Variants in RANBP17 observed in about 807,000 individuals in gnomAD.
RANBP17 encodes the protein ran-binding protein 17.
RANBP17 carries 158 observed loss-of-function variants against 141.2 expected under a neutral mutation model. That is an observed-to-expected ratio of 1.12 (90% CI 0.98 to 1.28). The LOEUF (loss-of-function observed/expected upper bound fraction) is 1.28. Among genes scored for constraint, RANBP17 ranks in the 50% most tolerant of loss-of-function variants. RANBP17 has a pLI of 0.00. For synonymous variants in RANBP17, 430 were observed against 450.0 expected (o/e 0.96, Z 0.56); for missense variants, 1,438 against 1,290.7 (o/e 1.11, Z -1.75).
chr5:171,028,901 T>C, intron 14 of RANBP17: 1 of 1,288,690 alleles, frequency 7.8e-7, no homozygotes. Flanking sequence ...GAAGGGCTTG[T>C]GGCAAACCTA....
chr5:170,997,516 C>T (rs1370379165), intron 14 of RANBP17, among the ~76,000 whole-genome samples: 1 of 152,120 alleles, frequency 6.6e-6, no homozygotes, highest in Non-Finnish European at 1.5e-5. Flanking sequence ...AAATGTACTA[C>T]CAAGGTTTGA....
At chr5:170,920,256 G>T (rs1335810389) in intron 11 of RANBP17, among the ~76,000 whole-genome samples, 1 of 152,072 alleles carries the variant, frequency 6.6e-6, no homozygotes, top group Non-Finnish European at 1.5e-5. Context: ...TTCCAAAGTG[G>T]CTGTACCATT....
At chr5:171,024,992 G>C (rs1439328792) in intron 14 of RANBP17, among the ~76,000 whole-genome samples, 1 of 152,022 alleles carries the variant, frequency 6.6e-6, no homozygotes, top group South Asian at 2.1e-4. Flanking sequence ...TGAAAAAGCT[G>C]CTTTACCTTT....
chr5:171,046,109 A>G (rs141655264), intron 14 of RANBP17, among the ~76,000 whole-genome samples: 23 of 152,144 alleles, frequency 1.5e-4, no homozygotes, highest in Non-Finnish European at 3.1e-4. Flanking sequence ...GTAAATATAA[A>G]TTATCTGCCC....
chr5:171,178,484 C>T (rs1023158627), intron 16 of RANBP17, among the ~76,000 whole-genome samples: 10 of 152,048 alleles, frequency 6.6e-5, no homozygotes, highest in East Asian at 5.8e-4. Context: ...TAAACATACG[C>T]GTGCATGTGT....
chr5:170,940,515 C>T (rs1452113811), intron 12 of RANBP17, among the ~76,000 whole-genome samples: 1 of 152,072 alleles, frequency 6.6e-6, no homozygotes, highest in East Asian at 1.9e-4. Context: ...CACTTCTGGT[C>T]CCAAGTATTT....
chr5:171,181,804 C>T (rs1760876127), intron 16 of RANBP17, among the ~76,000 whole-genome samples: 1 of 152,196 alleles, frequency 6.6e-6, no homozygotes, highest in Non-Finnish European at 1.5e-5. Flanking sequence ...TTGCAAGTTG[C>T]ACACGTTGTG....
At chr5:170,982,328 C>G (rs1329291832) in intron 14 of RANBP17, among the ~76,000 whole-genome samples, 1 of 152,152 alleles carries the variant, frequency 6.6e-6, no homozygotes, top group African/African-American at 2.4e-5. Context: ...AGCTCCTATT[C>G]TTTTTTGAGT....
At chr5:170,960,531 T>C (rs1160522717) in intron 13 of RANBP17, among the ~76,000 whole-genome samples, 2 of 152,190 alleles carry the variant, frequency 1.3e-5, no homozygotes, top group Non-Finnish European at 2.9e-5. Flanking sequence ...TTTTTCTCTC[T>C]AGCATTCATA....
rs191278296 is a variant in RANBP17 at position 171,170,110 on chromosome 5, A to G, written c.1711-20A>G. 7.7e-4 allele frequency: 1,055 copies of G among 1,370,208 alleles called. 6 individuals are homozygous for G. Among genetic ancestry groups the G allele is most frequent in the Non-Finnish European group, 3.0e-4 (304 of 998,918 alleles). The allele number at this position is 1,370,208 out of a possible 1,614,324, so 84.9% of individuals were successfully genotyped here. ...ATATGTTAATAGTAAAACTTTTAACAATGAAATGTTTTAATGCAGGTATAT... is the reference window on the plus strand; with the variant it reads ...ATATGTTAATAGTAAAACTTTTAACGATGAAATGTTTTAATGCAGGTATAT... On this transcript the variant is annotated intron_variant, in intron 14 of 27. Coordinates refer to ENST00000523189, the MANE Select transcript of RANBP17 (RefSeq NM_022897.5).
At chr5:171,229,395 GTTGTTTTTTTTGT>G (rs1223177739) in intron 22 of RANBP17, among the ~76,000 whole-genome samples, 2 of 152,008 alleles carry the variant, frequency 1.3e-5, no homozygotes, top group Non-Finnish European at 2.9e-5. Context: ...TTACTTTTTT[GTTGTTTTTTTTGT>G]TTGTTTTTTT....
chr5:170,886,245 A>G (rs1581053643), intron 3 of RANBP17, among the ~76,000 whole-genome samples: 1 of 152,312 alleles, frequency 6.6e-6, no homozygotes, highest in African/African-American at 2.4e-5. Flanking sequence ...GGCCAGGGAC[A>G]TTGTCCAATA....
At position 170,937,984 on chromosome 5, in the gene RANBP17, G is replaced by T. The variant is rs10062796; in HGVS notation, c.1468+13434G>T. On this transcript the variant is annotated intron_variant, in intron 12 of 27. Coordinates refer to ENST00000523189, the MANE Select transcript of RANBP17 (RefSeq NM_022897.5). ...CAGATCCTGGGCTTACAGTAAGTAC[G>T]TGAAATTTCTTAGGTTTTTATTTTT... Among the ~76,000 whole-genome samples, 3 of 151,884 alleles carry T rather than the reference G, an allele frequency of 2.0e-5. No individual in the cohort carries two copies. The East Asian group carries it at 5.8e-4, about 29-fold the overall frequency.
Position 171,125,410 on chromosome 5 carries a change from A to G in RANBP17, c.1711-44720A>G, listed in dbSNP as rs372297844. On this transcript the variant is annotated intron_variant, in intron 14 of 27. Coordinates refer to ENST00000523189, the MANE Select transcript of RANBP17 (RefSeq NM_022897.5). ...TCAAACAAAGGGTAAAAAAAAAAAA[A>G]AGAGAGACAAAGAAGGTCATTATAA... is the stretch of plus-strand genomic sequence containing the variant. Among the ~76,000 whole-genome samples the G allele has an allele frequency of 3.7e-3, 559 of 152,016 alleles. 5 individuals are homozygous for G. The highest frequency in any genetic ancestry group is 0.024 in the Middle Eastern group (7 of 294).
At chr5:170,961,087 G>C (rs565763227) in intron 13 of RANBP17, among the ~76,000 whole-genome samples, 1 of 91,144 alleles carries the variant, frequency 1.1e-5, no homozygotes, top group Non-Finnish European at 2.8e-5. Flanking sequence ...CCTTTTTGTC[G>C]CAACACTATG....
intron 13 of RANBP17, among the ~76,000 whole-genome samples, chr5:170,955,555 GTA>G (rs71910042): frequency 0.63 from 48,985 of 77,410 alleles, 17,930 homozygotes; most frequent in South Asian, 0.91. Flanking sequence ...CTCAGTCTGT[GTA>G]TATATATATA....
chr5:171,002,328 A>C (rs1159435711), intron 14 of RANBP17, among the ~76,000 whole-genome samples: 1 of 152,130 alleles, frequency 6.6e-6, no homozygotes, highest in African/African-American at 2.4e-5. Flanking sequence ...ACTGGCCGTG[A>C]GGGACAGAAG....
At chr5:171,089,988 T>C (rs1253567090) in intron 14 of RANBP17, among the ~76,000 whole-genome samples, 1 of 152,174 alleles carries the variant, frequency 6.6e-6, no homozygotes, top group African/African-American at 2.4e-5. Flanking sequence ...GTTATGTCTT[T>C]ATCAGCAATG....
At chr5:171,155,995 T>C (rs114770628) in intron 14 of RANBP17, among the ~76,000 whole-genome samples, 2,763 of 152,242 alleles carry the variant, frequency 0.018, 90 homozygotes, top group African/African-American at 0.063. Flanking sequence ...AATTGGAGTA[T>C]AGTTATTTCA....
Sources: allele counts gnomAD v4.1 joint callset (sites outside exome capture counted in the v4.1 genomes callset), GRCh38; gene constraint gnomAD v4.1.1; transcripts MANE v1.5; gene names NCBI Gene and HGNC (gene_info 2026-07-23, HGNC 2026-07-21).